Variants in GLIS3 observed in about 807,000 individuals in gnomAD.
GLIS3 encodes zinc finger protein GLIS3.
In GLIS3, 53 loss-of-function variants were observed where a neutral mutation model predicts 78.6. The ratio of observed to expected loss-of-function variants is 0.67; its 90% CI spans 0.54 to 0.85. The LOEUF is 0.85. GLIS3 is among the 40% of genes least tolerant of loss of function. The probability of loss-of-function intolerance (pLI) is 0.00; values close to 1 mark genes in which losing one functional copy is unlikely to be tolerated. For synonymous variants in GLIS3, 684 were observed against 509.9 expected (o/e 1.34, Z -4.60); for missense variants, 1,703 against 1,231.1 (o/e 1.38, Z -5.74).
the GLIS3 span, among the ~76,000 whole-genome samples, chr9:4,460,384 C>A: frequency 6.6e-6 from 1 of 152,170 alleles, no homozygotes; most frequent in Non-Finnish European, 1.5e-5. Flanking sequence ...ATGAACTCTG[C>A]ACATACTGTA....
the GLIS3 span, among the ~76,000 whole-genome samples, chr9:4,466,719 G>A: frequency 2.2e-3 from 338 of 152,304 alleles, 9 homozygotes; most frequent in East Asian, 0.06. Context: ...CAGCGTGAGC[G>A]ACGCAGAAGA....
chr9:4,125,317 C>T (rs563473689), intron 3 of GLIS3, among the ~76,000 whole-genome samples: 1 of 152,290 alleles, frequency 6.6e-6, no homozygotes, highest in South Asian at 2.1e-4. Flanking sequence ...ATGGACAAGA[C>T]AGATTGTTGA....
intron 2 of GLIS3, among the ~76,000 whole-genome samples, chr9:4,233,963 A>G (rs977956440): frequency 1.2e-4 from 19 of 152,142 alleles, no homozygotes; most frequent in Admixed American, 1.1e-3. Context: ...TTCATAAACC[A>G]ACTTCTGCTA....
At chr9:3,867,715 TTGTGTGTGTGTGTGCGTGCGTGTGTG>T (rs1257435253) in intron 8 of GLIS3, among the ~76,000 whole-genome samples, 73 of 16,296 alleles carry the variant, frequency 4.5e-3, no homozygotes, top group African/African-American at 0.012. Flanking sequence ...TCAACAATTC[TTGTGTGTGTGTGTGCGTGCGTGTGTG>T]TGTGTGTGTG....
At chr9:4,291,400 C>A (rs1391666017) in intron 1 of GLIS3, among the ~76,000 whole-genome samples, 2 of 152,038 alleles carry the variant, frequency 1.3e-5, no homozygotes, top group Non-Finnish European at 2.9e-5. Context: ...TCTGTCAATT[C>A]GAACCTGTGC....
upstream of GLIS3, among the ~76,000 whole-genome samples, chr9:4,303,387 C>T (rs1817144169): frequency 6.6e-6 from 1 of 151,946 alleles, no homozygotes; most frequent in African/African-American, 2.4e-5. Context: ...GGAAAATTTC[C>T]ATTTTACTTT....
At chr9:4,084,699 G>T (rs992540952) in intron 4 of GLIS3, among the ~76,000 whole-genome samples, 1 of 152,284 alleles carries the variant, frequency 6.6e-6, no homozygotes, top group South Asian at 2.1e-4. Context: ...ATAAACAACA[G>T]AAGCATGCCG....
chr9:4,476,655 C>A, the GLIS3 span, among the ~76,000 whole-genome samples: 4 of 152,108 alleles, frequency 2.6e-5, no homozygotes. Flanking sequence ...AGCCACCATG[C>A]CCGGCCCAGT....
At chr9:4,449,936 TCTC>T in the GLIS3 span, among the ~76,000 whole-genome samples, 1 of 152,102 alleles carries the variant, frequency 6.6e-6, no homozygotes, top group African/African-American at 2.4e-5. Flanking sequence ...GAGCGCCTCT[TCTC>T]CTCCAAAGGA....
chr9:4,425,185 G>A, the GLIS3 span, among the ~76,000 whole-genome samples: 1 of 152,162 alleles, frequency 6.6e-6, no homozygotes, highest in Non-Finnish European at 1.5e-5. Flanking sequence ...CCCAACTCCA[G>A]ATCTGATTTA....
At chr9:4,480,572 C>A in the GLIS3 span, among the ~76,000 whole-genome samples, 1 of 151,928 alleles carries the variant, frequency 6.6e-6, no homozygotes, top group African/African-American at 2.4e-5. Context: ...CTTTCCTGTA[C>A]CTAATGCTAT....
chr9:4,064,847 G>A (rs1248208742), intron 4 of GLIS3, among the ~76,000 whole-genome samples: 1 of 152,128 alleles, frequency 6.6e-6, no homozygotes, highest in Non-Finnish European at 1.5e-5. Flanking sequence ...AATTCGGAAG[G>A]AACAAAATAG....
chr9:4,257,815 T>C (rs2129969343), intron 2 of GLIS3, among the ~76,000 whole-genome samples: 1 of 152,180 alleles, frequency 6.6e-6, no homozygotes, highest in East Asian at 1.9e-4. Context: ...CCTCATGATC[T>C]GCCCGCCTCT....
intron 6 of GLIS3, among the ~76,000 whole-genome samples, chr9:3,907,219 C>T (rs1046421921): frequency 3.9e-5 from 6 of 152,198 alleles, no homozygotes; most frequent in African/African-American, 4.8e-5. Flanking sequence ...GGTCAGTCCA[C>T]GAGGGCTAGG....
At chr9:4,459,359 A>C in the GLIS3 span, among the ~76,000 whole-genome samples, 3 of 152,244 alleles carry the variant, frequency 2.0e-5, no homozygotes. Context: ...GGGGCTATCC[A>C]ATCTTTAGGG....
chr9:3,845,894 TG>T (rs1249249953), intron 9 of GLIS3, among the ~76,000 whole-genome samples: 1 of 152,224 alleles, frequency 6.6e-6, no homozygotes, highest in African/African-American at 2.4e-5. Flanking sequence ...CAGATGGTCC[TG>T]GGTGCAATTT....
chr9:4,289,470 GAAC>G (rs998480648), intron 1 of GLIS3, among the ~76,000 whole-genome samples: 4 of 152,190 alleles, frequency 2.6e-5, no homozygotes, highest in African/African-American at 9.6e-5. Context: ...TACTAACCAT[GAAC>G]AACAAATTTC....
intron 2 of GLIS3, among the ~76,000 whole-genome samples, chr9:4,323,697 C>G (rs984644093): frequency 6.6e-6 from 1 of 152,160 alleles, no homozygotes; most frequent in Non-Finnish European, 1.5e-5. Flanking sequence ...ACCACCATAG[C>G]AGCCTCACAT....
chr9:4,031,633 C>A (rs533203867), intron 4 of GLIS3, among the ~76,000 whole-genome samples: 3 of 152,110 alleles, frequency 2.0e-5, no homozygotes, highest in Non-Finnish European at 4.4e-5. Flanking sequence ...TAATTTTATG[C>A]CATGCACATT....
Sources: gnomAD v4.1 joint callset for allele counts (sites outside exome capture counted in the v4.1 genomes callset) on GRCh38, gnomAD v4.1.1 for gene constraint, MANE v1.5 for transcripts, NCBI Gene and HGNC (gene_info 2026-07-23, HGNC 2026-07-21) for gene names.